CNTLN: variants seen among roughly 807,000 people sequenced by gnomAD.
The protein encoded by CNTLN is centlein, centrosomal protein.
A neutral mutation model predicts 180.0 loss-of-function variants in CNTLN; 212 were observed. The ratio of observed to expected loss-of-function variants is 1.18; its 90% CI spans 1.05 to 1.32. The LOEUF (loss-of-function observed/expected upper bound fraction) is 1.32. Ranked by LOEUF, CNTLN falls within the 40% of genes most tolerant of loss-of-function variation. The pLI is 0.00. For synonymous variants in CNTLN, 722 were observed against 563.1 expected, an observed-to-expected ratio of 1.28 and a Z score of -3.99; for missense variants, 2,095 against 1,610.9, an observed-to-expected ratio of 1.30 and a Z score of -5.14.
At chr9:17,477,026 T>C (rs1832388333) in intron 23 of CNTLN, among the ~76,000 whole-genome samples, 1 of 152,192 alleles carries the variant, frequency 6.6e-6, no homozygotes, top group Non-Finnish European at 1.5e-5. Context: ...TTGAAGCCGA[T>C]GCTCATTTCA....
rs753074892 is a variant in CNTLN at position 17,467,760 on chromosome 9, T to C, written c.3855+869T>C. Among the ~76,000 whole-genome samples the C allele has an allele frequency of 3.3e-5, 5 of 151,652 alleles. No homozygotes were observed. In the South Asian group the frequency reaches 8.3e-4, roughly 25 times the overall value. On this transcript the variant is annotated intron_variant, in intron 23 of 25. Transcript: ENST00000380647. ...ACTGTTTAACTTATAGTGAACACTT[T>C]CATTAAATATTGTGACTTATACCCT...
At chr9:17,146,234 T>C (rs191051023) in intron 2 of CNTLN, among the ~76,000 whole-genome samples, 57 of 152,358 alleles carry the variant, frequency 3.7e-4, no homozygotes, top group Admixed American at 1.2e-3. Flanking sequence ...ATTCTTTGTT[T>C]TAGCACTCTG....
intron 16 of CNTLN, among the ~76,000 whole-genome samples, chr9:17,411,263 C>A (rs1827823791): frequency 6.6e-6 from 1 of 152,058 alleles, no homozygotes; most frequent in Non-Finnish European, 1.5e-5. Context: ...TGGATAAAAC[C>A]CTTCTTTTAG....
intron 25 of CNTLN, among the ~76,000 whole-genome samples, 190 bp from the exon 26 acceptor site, chr9:17,502,361 T>C (rs1401945253): frequency 6.6e-6 from 1 of 152,226 alleles, no homozygotes; most frequent in African/African-American, 2.4e-5. Context: ...TGCTCTTTTG[T>C]CATTTTTATT....
At chr9:17,276,003 C>T (rs1451898595) in intron 6 of CNTLN, among the ~76,000 whole-genome samples, 1 of 152,058 alleles carries the variant, frequency 6.6e-6, no homozygotes, top group Non-Finnish European at 1.5e-5. Flanking sequence ...AGTGAGGGTG[C>T]ATGGGTGGAA....
intron 8 of CNTLN, among the ~76,000 whole-genome samples, chr9:17,322,110 G>A (rs904717834): frequency 6.6e-6 from 1 of 151,942 alleles, no homozygotes; most frequent in African/African-American, 2.4e-5. Context: ...ATTATATTCA[G>A]TAATTTATAT....
chr9:17,158,265 A>T (rs1411151850), intron 2 of CNTLN, among the ~76,000 whole-genome samples: 2 of 152,120 alleles, frequency 1.3e-5, no homozygotes, highest in East Asian at 3.9e-4. Flanking sequence ...ATGGTATATA[A>T]TTTTTTTATA....
At chr9:17,521,622 C>A in the CNTLN span, among the ~76,000 whole-genome samples, 81 of 152,248 alleles carry the variant, frequency 5.3e-4, no homozygotes, top group African/African-American at 1.9e-3. Context: ...TATTTAGGAT[C>A]GCCCTTTTCT....
intron 6 of CNTLN, among the ~76,000 whole-genome samples, chr9:17,290,009 C>A (rs529554206): frequency 4.6e-5 from 7 of 152,130 alleles, no homozygotes; most frequent in Admixed American, 2.0e-4. Context: ...TCTCTCAGCT[C>A]GTCAGAATCA....
intron 12 of CNTLN, among the ~76,000 whole-genome samples, chr9:17,361,405 C>T (rs576244334): frequency 1.3e-5 from 2 of 152,314 alleles, no homozygotes; most frequent in South Asian, 4.1e-4. Flanking sequence ...CTAAGATTCT[C>T]TCTTCTCTGA....
At chr9:17,507,855 C>T (rs149761518), downstream of CNTLN, among the ~76,000 whole-genome samples, 40 of 152,278 alleles carry the variant, frequency 2.6e-4, 1 homozygote, top group Admixed American at 1.2e-3. Context: ...GTCTACAAAA[C>T]CAGAGTTTTG....
At chr9:17,142,907 A>T (rs1399044730) in intron 1 of CNTLN, among the ~76,000 whole-genome samples, 1 of 152,178 alleles carries the variant, frequency 6.6e-6, no homozygotes, top group Non-Finnish European at 1.5e-5. Flanking sequence ...TCTTACTAGG[A>T]AGCATTATAG....
At chr9:17,245,236 T>G (rs1825729909) in intron 5 of CNTLN, among the ~76,000 whole-genome samples, 1 of 152,148 alleles carries the variant, frequency 6.6e-6, no homozygotes, top group South Asian at 2.1e-4. Context: ...AGGACAGATT[T>G]GGTATTGATG....
At chr9:17,303,469 A>T (rs62558357) in intron 7 of CNTLN, among the ~76,000 whole-genome samples, 23,431 of 151,912 alleles carry the variant, frequency 0.15, 2,386 homozygotes, top group Middle Eastern at 0.27. Context: ...GTTTCTCCTG[A>T]TTGTATCCAT....
At chr9:17,430,126 G>A (rs111783078) in intron 18 of CNTLN, among the ~76,000 whole-genome samples, 1,559 of 151,902 alleles carry the variant, frequency 0.01, 34 homozygotes, top group African/African-American at 0.036. Flanking sequence ...TTTATTTCTA[G>A]TCTGATTCTA....
At chr9:17,293,851 GC>G (rs768043255) in intron 6 of CNTLN, among the ~76,000 whole-genome samples, 67 of 152,224 alleles carry the variant, frequency 4.4e-4, no homozygotes, top group Non-Finnish European at 8.7e-4. Context: ...GGGACCCAAG[GC>G]CCTGGTGGCA....
chr9:17,325,090 A>G (rs1383980597), intron 8 of CNTLN, among the ~76,000 whole-genome samples: 1 of 151,232 alleles, frequency 6.6e-6, no homozygotes, highest in East Asian at 1.9e-4. Context: ...TGAAGTATAA[A>G]TTTAAACTAG....
chr9:17,224,308 A>G (rs996260367), intron 2 of CNTLN, among the ~76,000 whole-genome samples: 5 of 152,054 alleles, frequency 3.3e-5, no homozygotes, highest in African/African-American at 1.2e-4. Flanking sequence ...CTGTTATATA[A>G]TAAATGTGCA....
chr9:17,524,669 A>G, the CNTLN span, among the ~76,000 whole-genome samples: 1 of 152,216 alleles, frequency 6.6e-6, no homozygotes, highest in Non-Finnish European at 1.5e-5. Flanking sequence ...TTCTCAGCTT[A>G]TATTAAGGCT....
Sources: allele counts gnomAD v4.1 joint callset (sites outside exome capture counted in the v4.1 genomes callset), GRCh38; gene constraint gnomAD v4.1.1; transcripts MANE v1.5; gene names NCBI Gene and HGNC (gene_info 2026-07-23, HGNC 2026-07-21).